Variants in SLAIN2 observed in about 807,000 individuals in gnomAD.
SLAIN2 encodes SLAIN motif-containing protein 2.
A neutral mutation model predicts 56.6 loss-of-function variants in SLAIN2; 31 were observed. The ratio of observed to expected loss-of-function variants is 0.55; its 90% CI spans 0.41 to 0.74. The LOEUF is 0.74. Among genes scored for constraint, SLAIN2 ranks in the 30% least tolerant of loss-of-function variants. The pLI is 0.00. For synonymous variants in SLAIN2, 317 were observed against 284.9 expected (o/e 1.11, Z -1.13); for missense variants, 777 against 754.2 (o/e 1.03, Z -0.35).
chr4:48,361,198 G>C (rs1715318038), intron 1 of SLAIN2, among the ~76,000 whole-genome samples: 1 of 152,172 alleles, frequency 6.6e-6, no homozygotes, highest in South Asian at 2.1e-4. Context: ...AATTTAAGCT[G>C]ATACCCAATA....
At chr4:48,378,179 A>G (rs1715878136) in intron 3 of SLAIN2, 119 bp downstream of exon 3, 2 of 1,204,650 alleles carry the variant, frequency 1.7e-6, no homozygotes, top group Admixed American at 4.8e-5. Flanking sequence ...TTAACTGGTT[A>G]AAGAAAATAT....
At chr4:48,392,326 A>T (rs1577728361) in intron 6 of SLAIN2, among the ~76,000 whole-genome samples, 1 of 152,336 alleles carries the variant, frequency 6.6e-6, no homozygotes, top group East Asian at 1.9e-4. Flanking sequence ...TGTTGTTATT[A>T]CAATCACATG....
rs1177488772 is a variant in SLAIN2, at chr4:48,356,375, T to A, written c.390-13474T>A. On this transcript the variant is annotated intron_variant, in intron 1 of 7. Transcript: ENST00000264313. ...AGTAATTGCTATCTATATATGCAGT[T>A]GTAGCTGAAAAGATCTGTACTAGTA... 3.9e-5 allele frequency among the ~76,000 whole-genome samples: 6 copies of A among 152,042 alleles called. No homozygotes were observed. The South Asian group carries it at 1.2e-3, about 32-fold the overall frequency.
chr4:48,392,399 A>C (rs1304437362), intron 6 of SLAIN2, among the ~76,000 whole-genome samples: 8 of 152,196 alleles, frequency 5.3e-5, no homozygotes, highest in Non-Finnish European at 8.8e-5. Context: ...TAATTCAAAT[A>C]GGATCCTTCC....
At chr4:48,352,965 T>C (rs1715052041) in intron 1 of SLAIN2, among the ~76,000 whole-genome samples, 2 of 152,186 alleles carry the variant, frequency 1.3e-5, no homozygotes, top group African/African-American at 4.8e-5. Context: ...GATAGTTTTA[T>C]CAGAGGTTTC....
intron 1 of SLAIN2, among the ~76,000 whole-genome samples, chr4:48,357,224 C>T (rs1445097503): frequency 5.3e-5 from 8 of 151,770 alleles, no homozygotes; most frequent in African/African-American, 9.7e-5. Flanking sequence ...AAAAAGACGC[C>T]GTATATTTGA....
chr4:48,389,874 G>A (rs1039730368), intron 6 of SLAIN2, among the ~76,000 whole-genome samples: 5 of 152,082 alleles, frequency 3.3e-5, no homozygotes, highest in Admixed American at 1.3e-4. Context: ...TCCTGTAAGT[G>A]GGAGGAGCCA....
chr4:48,418,333 C>G (rs961964568), intron 6 of SLAIN2, among the ~76,000 whole-genome samples: 2 of 151,922 alleles, frequency 1.3e-5, no homozygotes, highest in Non-Finnish European at 2.9e-5. Flanking sequence ...AGGAAATTTT[C>G]CCTATTTCTG....
intron 1 of SLAIN2, among the ~76,000 whole-genome samples, chr4:48,342,667 G>T (rs1323548419): frequency 6.9e-6 from 1 of 144,798 alleles, no homozygotes; most frequent in East Asian, 2.1e-4. Flanking sequence ...TGGGTAGTGG[G>T]GTAAACCTTG....
chr4:48,380,862 G>C (rs559176570), intron 4 of SLAIN2, among the ~76,000 whole-genome samples: 149 of 152,224 alleles, frequency 9.8e-4, no homozygotes, highest in South Asian at 3.1e-3. Flanking sequence ...TATGTAGTAG[G>C]CTTTATCAAG....
chr4:48,381,372 G>C (rs1715967068), intron 4 of SLAIN2, among the ~76,000 whole-genome samples: 1 of 151,946 alleles, frequency 6.6e-6, no homozygotes, highest in Admixed American at 6.6e-5. Context: ...TTGTCTTAGA[G>C]ATGATTTTCC....
chr4:48,369,703 G>A, intron 1 of SLAIN2, 146 bp from the exon 2 acceptor site: 1 of 639,002 alleles, frequency 1.6e-6, no homozygotes, highest in Non-Finnish European at 2.5e-6. Context: ...TTTTCTTCCT[G>A]TGCAGTAAGT....
chr4:48,425,010 A>G lies in SLAIN2; in HGVS notation c.*2933A>G, dbSNP rs1298733738. On this transcript the variant is annotated 3_prime_UTR_variant, in exon 8 of 8. Coordinates refer to ENST00000264313, the MANE Select transcript of SLAIN2 (RefSeq NM_020846.2). ...AAACAGCCTGACCATAATGTTTATT[A>G]TTAAATTTATATTCTTTAAGTGTTT... 2.6e-5 allele frequency: 4 copies of G among 152,214 alleles called. No homozygotes were observed. In the East Asian group the frequency reaches 7.7e-4, roughly 29 times the overall value. 9.4% of individuals were successfully genotyped at this position (152,214 alleles called of 1,614,324 possible).
chr4:48,426,032 AT>A lies in SLAIN2; in HGVS notation c.*3956del, dbSNP rs1717290110. 6.6e-6 allele frequency: 1 copy of A among 152,220 alleles called. No individual in the cohort carries two copies. Among genetic ancestry groups the A allele is most frequent in the African/African-American group, 2.4e-5 (1 of 41,468 alleles). The allele number at this position is 152,220 out of a possible 1,614,324, so 9.4% of individuals were successfully genotyped here. ...CTCTGCTGTAGAACATAAACTAAAA[AT>A]ATTAAAAAGTATAAAGGTAAAAAAT... On this transcript the variant is annotated 3_prime_UTR_variant, in exon 8 of 8. Transcript: ENST00000264313.
chr4:48,380,565 A>G (rs1302334359), intron 4 of SLAIN2, among the ~76,000 whole-genome samples: 6 of 152,190 alleles, frequency 3.9e-5, no homozygotes, highest in Non-Finnish European at 7.4e-5. Flanking sequence ...ATCAAAGTGT[A>G]CATATGCACA....
intron 6 of SLAIN2, among the ~76,000 whole-genome samples, chr4:48,418,439 A>C (rs1717057667): frequency 6.6e-6 from 1 of 151,908 alleles, no homozygotes; most frequent in African/African-American, 2.4e-5. Context: ...TCATCCTGTT[A>C]CTGTGGATTA....
intron 1 of SLAIN2, among the ~76,000 whole-genome samples, chr4:48,342,921 A>G (rs553250380): frequency 6.6e-6 from 1 of 152,192 alleles, no homozygotes; most frequent in Non-Finnish European, 1.5e-5. Context: ...CTATATTGTC[A>G]TAAGCCACTT....
intron 6 of SLAIN2, among the ~76,000 whole-genome samples, chr4:48,406,975 T>C (rs1167045065): frequency 2.0e-5 from 3 of 152,116 alleles, no homozygotes; most frequent in Admixed American, 1.3e-4. Flanking sequence ...TGTCTTAGTA[T>C]TGATCATTCT....
At chr4:48,362,906 C>T (rs10222707) in intron 1 of SLAIN2, among the ~76,000 whole-genome samples, 10 of 90,260 alleles carry the variant, frequency 1.1e-4, no homozygotes, top group South Asian at 9.0e-4. Context: ...GAGGACCCTG[C>T]GGCCTTCCGC....
Sources: allele counts gnomAD v4.1 joint callset (sites outside exome capture counted in the v4.1 genomes callset), GRCh38; gene constraint gnomAD v4.1.1; transcripts MANE v1.5; gene names NCBI Gene and HGNC (gene_info 2026-07-23, HGNC 2026-07-21).